The following RAB4B variants were observed in gnomAD, a reference collection of about 807,000 sequenced individuals.
RAB4B encodes the protein RAB4B, member RAS oncogene family, also known as ras-related protein Rab-4B.
RAB4B carries 15 observed loss-of-function variants against 28.3 expected under a neutral mutation model. That is an observed-to-expected ratio of 0.53 (90% CI 0.35 to 0.82). The LOEUF is 0.82. Ranked by LOEUF, RAB4B falls within the 40% of genes least tolerant of loss-of-function variation. The pLI is 0.01. For synonymous variants in RAB4B, 108 were observed against 116.3 expected, an observed-to-expected ratio of 0.93 and a Z score of 0.46; for missense variants, 244 against 288.5, an observed-to-expected ratio of 0.85 and a Z score of 1.12.
intron 7 of RAB4B, among the ~76,000 whole-genome samples, chr19:40,794,371 G>A (rs902802766): frequency 3.3e-5 from 5 of 151,760 alleles, no homozygotes; most frequent in Non-Finnish European, 1.5e-5. Context: ...CACTGCGCCC[G>A]GCCTATTTAC....
chr19:40,784,496 AAAC>A (rs112167083), intron 5 of RAB4B, among the ~76,000 whole-genome samples: 2 of 151,014 alleles, frequency 1.3e-5, no homozygotes, highest in Non-Finnish European at 3.0e-5. Flanking sequence ...CTGTCTCCAA[AAAC>A]AACAACAACA....
chr19:40,793,572 GTTTTTTTTTTTTTT>G (rs373163247), intron 7 of RAB4B, among the ~76,000 whole-genome samples: 1 of 125,414 alleles, frequency 8.0e-6, no homozygotes, highest in African/African-American at 3.2e-5. Context: ...TTTCTTTTTT[GTTTTTTTTTTTTTT>G]TTTTTTTTTA....
At chr19:40,783,706 G>A in intron 3 of RAB4B, 72 bp from the exon 4 acceptor site, 1 of 1,436,416 alleles carries the variant, frequency 7.0e-7, no homozygotes, top group East Asian at 2.4e-5. Context: ...CCACCAGTCT[G>A]TCTCTGTAGA....
At chr19:40,787,961 CAAAAAAAAAAAA>C (rs56997006) in intron 7 of RAB4B, among the ~76,000 whole-genome samples, 3 of 69,466 alleles carry the variant, frequency 4.3e-5, no homozygotes, top group Admixed American at 2.0e-4. Flanking sequence ...GACTCTGTCT[CAAAAAAAAAAAA>C]AAAAAAAAAA....
At position 40,783,847 on chromosome 19, in the gene RAB4B, G is replaced by A; in HGVS notation, c.275+7G>A. 7.6e-7 allele frequency: 1 copy of A among 1,312,488 alleles called. No homozygotes were observed. The highest frequency in any genetic ancestry group is 1.1e-6 in the Non-Finnish European group (1 of 943,488). The allele number at this position is 1,312,488 out of a possible 1,614,324, so 81.3% of individuals were successfully genotyped here. On this transcript the variant is annotated splice_region_variant and intron_variant, in intron 4 of 7. Coordinates refer to ENST00000357052, the MANE Select transcript of RAB4B (RefSeq NM_016154.5). ...TGGTGTACGACATCACCAGGTGGGT[G>A]CCCGGGGTGGGTGGGGTAGGGCATG... is the stretch of plus-strand genomic sequence containing the variant.
rs116692200 is a variant in RAB4B, at chr19:40,778,768, G to A, written c.16+377G>A. On this transcript the variant is annotated intron_variant, in intron 1 of 7. Transcript: ENST00000357052. ...AGAGGGAACACTGAATGGAAGCTCG[G>A]GACCCTGGGGCTGATCTGGCTGGAG... 6.8e-3 allele frequency among the ~76,000 whole-genome samples: 1,030 copies of A among 152,230 alleles called. 15 individuals are homozygous for A. The highest frequency in any genetic ancestry group is 0.023 in the African/African-American group (966 of 41,534).
chr19:40,792,639 C>CT (rs2083169317), intron 7 of RAB4B: 2 of 152,328 alleles, frequency 1.3e-5, no homozygotes, highest in Middle Eastern at 6.8e-3. Flanking sequence ...CACCAGTATT[C>CT]TTTCGTTTCT....
chr19:40,794,610 T>C (rs1166944895), intron 7 of RAB4B: 1 of 152,120 alleles, frequency 6.6e-6, no homozygotes, highest in African/African-American at 2.4e-5. Flanking sequence ...ATTTAAAAAT[T>C]GGTCAAGACC....
At chr19:40,784,212 C>A in intron 5 of RAB4B, 137 bp downstream of exon 5, 2 of 1,235,428 alleles carry the variant, frequency 1.6e-6, no homozygotes, top group Non-Finnish European at 2.2e-6. Flanking sequence ...TGAGTGTTGG[C>A]TGGGTGTAGT....
intron 1 of RAB4B, among the ~76,000 whole-genome samples, chr19:40,778,726 A>T (rs1323401108): frequency 1.3e-5 from 2 of 151,966 alleles, no homozygotes; most frequent in Non-Finnish European, 2.9e-5. Flanking sequence ...GAATGGCAGG[A>T]GTCGGGCTTA....
At chr19:40,789,802 A>T (rs533048270) in intron 7 of RAB4B, among the ~76,000 whole-genome samples, 1 of 152,302 alleles carries the variant, frequency 6.6e-6, no homozygotes, top group Non-Finnish European at 1.5e-5. Context: ...CCTGGCCAAG[A>T]GTGTACATTT....
chr19:40,784,065 C>T lies in RAB4B; in HGVS notation c.420C>T (p.Ala140=). 4 of 1,611,472 alleles carry T rather than the reference C, an allele frequency of 2.5e-6. No individual in the cohort carries two copies. The highest frequency in any genetic ancestry group is 3.4e-6 in the Non-Finnish European group (4 of 1,178,172). Residue 140 remains alanine (A), a synonymous_variant, in exon 5 of 8, where the codon GCC becomes GCT. Transcript: ENST00000357052. ...EVTFLEASRF[A]QENELMFLET... ...CTTTCCTGGAGGCCTCCCGCTTTGC[C>T]CAGGAGAATGGTGAGGGCTGTGTCG...
rs1599736459 is a variant in RAB4B, at chr19:40,778,281, G to A, written c.-95G>A. ...GGTGCCGGGCCCGGGGAGTAGGAAG[G>A]AGCCGGGGCTGTAGCCGGAGTGGAG... On this transcript the variant is annotated 5_prime_UTR_variant, in exon 1 of 8. Transcript: ENST00000357052. 2 of 1,278,090 alleles carry A rather than the reference G, an allele frequency of 1.6e-6. No individual in the cohort carries two copies. The highest frequency in any genetic ancestry group is 2.6e-5 in the Admixed American group (1 of 38,400). 79.2% of individuals were successfully genotyped at this position (1,278,090 alleles called of 1,614,324 possible).
chr19:40,790,760 C>T (rs1234487237), intron 7 of RAB4B, among the ~76,000 whole-genome samples: 4 of 150,408 alleles, frequency 2.7e-5, no homozygotes, highest in Non-Finnish European at 4.4e-5. Context: ...TGGCTCACTG[C>T]GACCTCCGCC....
At chr19:40,793,128 C>T (rs1460342264) in intron 7 of RAB4B, among the ~76,000 whole-genome samples, 2 of 152,004 alleles carry the variant, frequency 1.3e-5, no homozygotes. Context: ...TGCTTTGTAC[C>T]TTATACCTTT....
chr19:40,781,748 G>T (rs897121560), intron 3 of RAB4B, among the ~76,000 whole-genome samples: 1 of 152,118 alleles, frequency 6.6e-6, no homozygotes, highest in Admixed American at 6.6e-5. Flanking sequence ...GAGGCCGGGC[G>T]TGGTGGCTCA....
At chr19:40,784,173 G>GT in intron 5 of RAB4B, 98 bp downstream of exon 5, 2 of 1,424,940 alleles carry the variant, frequency 1.4e-6, no homozygotes, top group Non-Finnish European at 1.9e-6. Flanking sequence ...GCAGGGGAAC[G>GT]TGGAGGTTCA....
intron 1 of RAB4B, 138 bp downstream of exon 1, chr19:40,778,529 GT>G: frequency 1.2e-6 from 1 of 865,318 alleles, no homozygotes; most frequent in Non-Finnish European, 1.6e-6. Flanking sequence ...GCTGGGAGGG[GT>G]TTAGTGGGTC....
chr19:40,792,439 C>T lies in RAB4B; in HGVS notation c.*16-4131C>T, dbSNP rs1226093566. ...CAAATGAATGGGTGTGTCTTCTTCA[C>T]CTCAGGGCTTAGCAGAGACTCTGTC... is the stretch of plus-strand genomic sequence containing the variant. On this transcript the variant is annotated intron_variant, in intron 7 of 7. Transcript: ENST00000357052. 3.9e-5 allele frequency: 6 copies of T among 152,232 alleles called. No homozygotes were observed. The East Asian group carries it at 1.2e-3, about 29-fold the overall frequency. The allele number at this position is 152,232 out of a possible 1,614,324, so 9.4% of individuals were successfully genotyped here.
Sources: allele counts gnomAD v4.1 joint callset (sites outside exome capture counted in the v4.1 genomes callset), GRCh38; gene constraint gnomAD v4.1.1; transcripts MANE v1.5; gene names NCBI Gene and HGNC (gene_info 2026-07-23, HGNC 2026-07-21).